The following CDKAL1 variants were observed in gnomAD, a reference collection of about 807,000 sequenced individuals.
The protein encoded by CDKAL1 is CDKAL1 threonylcarbamoyladenosine tRNA methylthiotransferase, also known as threonylcarbamoyladenosine tRNA methylthiotransferase.
In CDKAL1, 32 loss-of-function variants were observed where a neutral mutation model predicts 68.2. That is an observed-to-expected ratio of 0.47 (90% CI 0.35 to 0.63). The LOEUF is 0.63. CDKAL1 is among the 30% of genes least tolerant of loss of function. The pLI is 0.00. For missense variants in CDKAL1, 606 were observed against 696.7 expected, an observed-to-expected ratio of 0.87 and a Z score of 1.47; for synonymous variants, 234 against 244.3, an observed-to-expected ratio of 0.96 and a Z score of 0.39.
At position 20,794,954 on chromosome 6, in the gene CDKAL1, C is replaced by G. The variant is rs150262469; in HGVS notation, c.638+13689C>G. On this transcript the variant is annotated intron_variant, in intron 8 of 15. Coordinates refer to ENST00000274695, the MANE Select transcript of CDKAL1 (RefSeq NM_017774.3). ...GAAACTGGTATCACTGTGACCAATA[C>G]TGTTTGGTGGATCAGAGGAAAACAG... Among the ~76,000 whole-genome samples the G allele has an allele frequency of 2.8e-3, 428 of 152,250 alleles. 1 individual carries two copies. The highest frequency in any genetic ancestry group is 0.01 in the African/African-American group (417 of 41,560).
At chr6:20,966,926 C>T (rs756249129) in intron 10 of CDKAL1, among the ~76,000 whole-genome samples, 1 of 151,974 alleles carries the variant, frequency 6.6e-6, no homozygotes, top group Non-Finnish European at 1.5e-5. Flanking sequence ...TATATTCTTC[C>T]ATTATTGCGT....
chr6:21,071,060 T>A (rs779896949), intron 12 of CDKAL1, among the ~76,000 whole-genome samples: 2 of 152,274 alleles, frequency 1.3e-5, no homozygotes, highest in Non-Finnish European at 2.9e-5. Context: ...TTTTAGTTAA[T>A]GTGTTTTTTA....
intron 12 of CDKAL1, among the ~76,000 whole-genome samples, chr6:21,091,921 G>A (rs1303830201): frequency 7.9e-6 from 1 of 126,088 alleles, no homozygotes; most frequent in Non-Finnish European, 1.6e-5. Flanking sequence ...GAGGCTCGCT[G>A]TGTCGCCCAG....
intron 9 of CDKAL1, among the ~76,000 whole-genome samples, chr6:20,944,760 A>AT (rs1245306440): frequency 6.6e-6 from 1 of 152,178 alleles, no homozygotes; most frequent in Non-Finnish European, 1.5e-5. Flanking sequence ...GATTGGCATA[A>AT]TTTTGGTCAA....
intron 7 of CDKAL1, among the ~76,000 whole-genome samples, chr6:20,765,559 T>C (rs1028648924): frequency 1.9e-4 from 29 of 152,336 alleles, no homozygotes; most frequent in African/African-American, 6.5e-4. Context: ...GCTTTACTTA[T>C]TTGTATTCTG....
Position 21,003,339 on chromosome 6 carries a change from A to C in CDKAL1, c.1055+2967A>C, listed in dbSNP as rs534773334. Among the ~76,000 whole-genome samples, 73 of 29,666 alleles carry C rather than the reference A, an allele frequency of 2.5e-3. 2 individuals carry two copies. In the South Asian group the frequency reaches 0.067, roughly 27 times the overall value. 19.5% of individuals were successfully genotyped at this position (29,666 alleles called of 152,430 possible). ...TGGCCAACATGGTGAAACCATCTCTACTAAATATATATATATATATATATA... is the reference window on the plus strand; with the variant it reads ...TGGCCAACATGGTGAAACCATCTCTCCTAAATATATATATATATATATATA... On this transcript the variant is annotated intron_variant, in intron 11 of 15. Coordinates refer to ENST00000274695, the MANE Select transcript of CDKAL1 (RefSeq NM_017774.3).
rs185360281 is a variant in CDKAL1, at chr6:20,820,632, C to T, written c.639-25443C>T. Among the ~76,000 whole-genome samples, 8 of 152,200 alleles carry T rather than the reference C, an allele frequency of 5.3e-5. No homozygotes were observed. The East Asian group carries it at 1.5e-3, about 29-fold the overall frequency. On this transcript the variant is annotated intron_variant, in intron 8 of 15. Transcript: ENST00000274695. ...AGATTGTTGATGAGGAGCGTTGGCC[C>T]CAGTGTCCTATATTCTTAAGTTCAA...
intron 8 of CDKAL1, among the ~76,000 whole-genome samples, chr6:20,839,549 A>G (rs527845579): frequency 6.6e-6 from 1 of 152,236 alleles, no homozygotes; most frequent in South Asian, 2.1e-4. Flanking sequence ...TTGATAGACT[A>G]TCAGGCCCTT....
intron 10 of CDKAL1, among the ~76,000 whole-genome samples, chr6:20,966,418 T>C (rs2150746546): frequency 6.6e-6 from 1 of 152,352 alleles, no homozygotes; most frequent in South Asian, 2.1e-4. Flanking sequence ...CTCTTTGATT[T>C]GCATATGTTG....
At chr6:21,080,066 T>C (rs1187667811) in intron 12 of CDKAL1, among the ~76,000 whole-genome samples, 7 of 149,690 alleles carry the variant, frequency 4.7e-5, no homozygotes, top group Admixed American at 3.3e-4. Context: ...GGAGCCCTGA[T>C]TGGATCATTC....
intron 4 of CDKAL1, among the ~76,000 whole-genome samples, chr6:20,567,220 G>T: frequency 1.4e-5 from 2 of 144,536 alleles, no homozygotes; most frequent in Non-Finnish European, 1.5e-5. Context: ...GCCATTGAAA[G>T]TAATGGCAAA....
intron 13 of CDKAL1, among the ~76,000 whole-genome samples, chr6:21,147,439 A>G (rs1208890807): frequency 3.9e-5 from 6 of 152,212 alleles, no homozygotes. Flanking sequence ...GTGGGAGATC[A>G]GACCATCACA....
intron 10 of CDKAL1, among the ~76,000 whole-genome samples, chr6:20,979,758 T>C (rs1766017400): frequency 1.4e-5 from 2 of 144,302 alleles, no homozygotes; most frequent in South Asian, 4.4e-4. Context: ...GATATTAAAA[T>C]TTTTTCATAG....
intron 5 of CDKAL1, among the ~76,000 whole-genome samples, chr6:20,663,297 G>T (rs1335197424): frequency 6.6e-6 from 1 of 151,864 alleles, no homozygotes; most frequent in African/African-American, 2.4e-5. Context: ...GATTCTGTTA[G>T]TAAGGGAGAT....
intron 8 of CDKAL1, among the ~76,000 whole-genome samples, chr6:20,839,392 C>T (rs191589390): frequency 6.6e-6 from 1 of 151,990 alleles, no homozygotes; most frequent in Admixed American, 6.5e-5. Flanking sequence ...CTTTTTTTGT[C>T]CTATCTTGGC....
At chr6:20,966,925 C>T (rs1765348162) in intron 10 of CDKAL1, among the ~76,000 whole-genome samples, 1 of 152,044 alleles carries the variant, frequency 6.6e-6, no homozygotes, top group African/African-American at 2.4e-5. Context: ...CTATATTCTT[C>T]CATTATTGCG....
At chr6:21,133,973 A>C (rs753121784) in intron 13 of CDKAL1, among the ~76,000 whole-genome samples, 1 of 152,190 alleles carries the variant, frequency 6.6e-6, no homozygotes, top group Non-Finnish European at 1.5e-5. Flanking sequence ...TGCCTCTTGA[A>C]ATACAGGTTA....
intron 9 of CDKAL1, among the ~76,000 whole-genome samples, chr6:20,951,901 A>G (rs1204106184): frequency 1.3e-5 from 2 of 150,984 alleles, no homozygotes; most frequent in Non-Finnish European, 3.0e-5. Flanking sequence ...GAAGTTTTTA[A>G]TGGGCATTCA....
intron 11 of CDKAL1, among the ~76,000 whole-genome samples, chr6:21,054,449 C>T (rs779302265): frequency 7.9e-5 from 12 of 151,876 alleles, no homozygotes; most frequent in African/African-American, 1.7e-4. Context: ...TTTGTATTTC[C>T]GCATACATTT....
Sources: allele counts gnomAD v4.1 joint callset (sites outside exome capture counted in the v4.1 genomes callset), GRCh38; gene constraint gnomAD v4.1.1; transcripts MANE v1.5; gene names NCBI Gene and HGNC (gene_info 2026-07-23, HGNC 2026-07-21).